Variants in TNPO1 observed in about 807,000 individuals in gnomAD.
TNPO1 encodes the protein transportin 1.
A neutral mutation model predicts 119.5 loss-of-function variants in TNPO1; 8 were observed. The ratio of observed to expected loss-of-function variants is 0.07; its 90% CI spans 0.04 to 0.12. The LOEUF (loss-of-function observed/expected upper bound fraction) is 0.12, where lower values mean the gene tolerates loss of function less well. TNPO1 is among the 10% of genes least tolerant of loss of function. The pLI, the probability that TNPO1 is intolerant of heterozygous loss-of-function variation, is 1.00. For missense variants in TNPO1, 576 were observed against 1,089.8 expected (o/e 0.53, Z 6.64); for synonymous variants, 362 against 363.0 (o/e 1.00, Z 0.03).
intron 3 of TNPO1, among the ~76,000 whole-genome samples, 181 bp downstream of exon 3, chr5:72,851,500 T>A (rs1745557378): frequency 1.3e-5 from 2 of 152,226 alleles, no homozygotes; most frequent in African/African-American, 2.4e-5. Context: ...TCCTTTTTTT[T>A]AATGTATATA....
intron 4 of TNPO1, among the ~76,000 whole-genome samples, chr5:72,860,868 C>T (rs999076471): frequency 1.3e-5 from 2 of 151,804 alleles, no homozygotes; most frequent in Non-Finnish European, 2.9e-5. Context: ...GTGCTGCTAA[C>T]GTTTTGGCAT....
At position 72,913,191 on chromosome 5, in the gene TNPO1, TG is replaced by T. The variant is rs1258204067; in HGVS notation, c.*4519del. ...TATACCAACTTAGTGCATTTTATAC[TG>T]TATTAAATATGGAGATACTTCTAAT... On this transcript the variant is annotated 3_prime_UTR_variant, in exon 25 of 25. Coordinates refer to ENST00000337273, the MANE Select transcript of TNPO1 (RefSeq NM_002270.4). 6.6e-6 allele frequency: 1 copy of T among 152,508 alleles called. No homozygotes were observed. Among genetic ancestry groups the T allele is most frequent in the African/African-American group, 2.4e-5 (1 of 41,454 alleles). 9.4% of individuals were successfully genotyped at this position (152,508 alleles called of 1,614,324 possible). A position where few individuals can be genotyped will look rare whatever the true frequency, so the allele number is the denominator to read the frequency against.
rs763667124 is a variant in TNPO1, at chr5:72,888,325, G to C, written c.1529+22G>C. 7 of 1,597,132 alleles carry C rather than the reference G, an allele frequency of 4.4e-6. No homozygotes were observed. In the South Asian group the frequency reaches 6.6e-5, roughly 15 times the overall value. ...GCAGGTGGGACAGATTCATAACACA[G>C]TGTTCTTTGTGGCAGTGAAAAACTT... On this transcript the variant is annotated intron_variant, in intron 13 of 24. Transcript: ENST00000337273.
chr5:72,855,242 G>T (rs1745897147), intron 3 of TNPO1, among the ~76,000 whole-genome samples: 1 of 151,256 alleles, frequency 6.6e-6, no homozygotes, highest in African/African-American at 2.4e-5. Flanking sequence ...AAAGTGCTGG[G>T]ATTACAGGCA....
chr5:72,888,152 G>T lies in TNPO1; in HGVS notation c.1378G>T (p.Ala460Ser), dbSNP rs370419143. Residue 460 changes from alanine (A) to serine (S), a missense_variant, in exon 13 of 25, where the codon GCT (alanine) becomes TCT (serine). Transcript: ENST00000337273. The stretch of plus-strand genomic sequence containing the variant: ...TATTCAGTGCCTCTCTGATAAAAAG[G>T]CTCTTGTGCGTTCCATAACATGCTG... ...HLIQCLSDKK[A>S]LVRSITCWTL... 1 of 1,614,084 alleles carries T rather than the reference G, an allele frequency of 6.2e-7. No individual in the cohort carries two copies.
At chr5:72,907,801 T>C (rs34955) in intron 24 of TNPO1, among the ~76,000 whole-genome samples, 123,778 of 152,060 alleles carry the variant, frequency 0.81, 50,764 homozygotes, top group Non-Finnish European at 0.86. Flanking sequence ...CCTAGCATTT[T>C]GGGAGGCTGA....
At chr5:72,861,989 G>A (rs1285386360) in intron 5 of TNPO1, 75 bp downstream of exon 5, 1 of 1,066,518 alleles carries the variant, frequency 9.4e-7, no homozygotes, top group African/African-American at 1.6e-5. Flanking sequence ...CAGCTTTTGG[G>A]AAAAATAGTT....
At chr5:72,861,737 C>A in intron 4 of TNPO1, 71 bp from the exon 5 acceptor site, 1 of 1,060,948 alleles carries the variant, frequency 9.4e-7, no homozygotes, top group Non-Finnish European at 1.5e-6. Flanking sequence ...TGTTTGTGCA[C>A]ACAGTTGCTC....
At chr5:72,868,806 A>G (rs923560195) in intron 6 of TNPO1, among the ~76,000 whole-genome samples, 1 of 152,100 alleles carries the variant, frequency 6.6e-6, no homozygotes, top group African/African-American at 2.4e-5. Flanking sequence ...CAGGGGTTCA[A>G]GACTAGCCTG....
chr5:72,848,528 G>C (rs371727750), intron 2 of TNPO1, 30 bp downstream of exon 2: 2 of 1,447,470 alleles, frequency 1.4e-6, no homozygotes, highest in African/African-American at 2.9e-5. Flanking sequence ...GCCGCCACCC[G>C]CGCAGCTCGC....
At chr5:72,844,759 A>C (rs1745056491) in intron 1 of TNPO1, among the ~76,000 whole-genome samples, 1 of 152,188 alleles carries the variant, frequency 6.6e-6, no homozygotes, top group African/African-American at 2.4e-5. Flanking sequence ...ACTAGAATTC[A>C]AACGTGGTCA....
intron 9 of TNPO1, among the ~76,000 whole-genome samples, chr5:72,878,153 G>A (rs1747948220): frequency 6.6e-6 from 1 of 151,790 alleles, no homozygotes; most frequent in Admixed American, 6.6e-5. Flanking sequence ...ACGCTATAGA[G>A]AGAGAGAGAG....
At chr5:72,817,873 G>GTGGT (rs1328163380) in intron 1 of TNPO1, among the ~76,000 whole-genome samples, 2 of 152,220 alleles carry the variant, frequency 1.3e-5, no homozygotes, top group African/African-American at 2.4e-5. Context: ...TCATGTTAGA[G>GTGGT]TGGTGAAGAA....
intron 1 of TNPO1, among the ~76,000 whole-genome samples, chr5:72,831,770 C>T (rs1170874175): frequency 6.6e-6 from 1 of 151,800 alleles, no homozygotes; most frequent in Non-Finnish European, 1.5e-5. Context: ...TTTTTGTTTT[C>T]AGTGTTTTCT....
chr5:72,897,591 T>A (rs1749523326), intron 20 of TNPO1, among the ~76,000 whole-genome samples: 3 of 151,974 alleles, frequency 2.0e-5, no homozygotes, highest in Non-Finnish European at 4.4e-5. Context: ...TTTCTTCGAA[T>A]TGGGAATTTA....
At chr5:72,863,821 A>G (rs1193744011) in intron 5 of TNPO1, among the ~76,000 whole-genome samples, 1 of 152,118 alleles carries the variant, frequency 6.6e-6, no homozygotes, top group Non-Finnish European at 1.5e-5. Context: ...TCATCATGTG[A>G]CAGTTGATTG....
At chr5:72,898,304 G>C (rs1749582878) in intron 20 of TNPO1, among the ~76,000 whole-genome samples, 1 of 152,122 alleles carries the variant, frequency 6.6e-6, no homozygotes, top group African/African-American at 2.4e-5. Context: ...TAATGTATAT[G>C]AAAGTTTCTT....
chr5:72,903,426 T>C (rs1387392171), intron 22 of TNPO1, among the ~76,000 whole-genome samples: 1 of 152,184 alleles, frequency 6.6e-6, no homozygotes, highest in Non-Finnish European at 1.5e-5. Context: ...TTTCAGTTCA[T>C]TTCTGATGCT....
intron 20 of TNPO1, among the ~76,000 whole-genome samples, chr5:72,899,731 A>T (rs1749682316): frequency 6.6e-6 from 1 of 152,150 alleles, no homozygotes; most frequent in Non-Finnish European, 1.5e-5. Context: ...AAGCAATTTC[A>T]TCATGGTTTT....
Sources: allele counts gnomAD v4.1 joint callset (sites outside exome capture counted in the v4.1 genomes callset), GRCh38; gene constraint gnomAD v4.1.1; transcripts MANE v1.5; gene names NCBI Gene and HGNC (gene_info 2026-07-23, HGNC 2026-07-21).